CPSF7: variants seen among roughly 807,000 people sequenced by gnomAD.
CPSF7 encodes the protein cleavage and polyadenylation specific factor 7, also known as cleavage and polyadenylation specificity factor subunit 7.
A neutral mutation model predicts 44.3 loss-of-function variants in CPSF7; 1 was observed. That is an observed-to-expected ratio of 0.02 (90% CI 0.01 to 0.11). CPSF7 has a LOEUF of 0.11. Among genes scored for constraint, CPSF7 ranks in the 10% least tolerant of loss-of-function variants. The pLI, the probability that CPSF7 is intolerant of heterozygous loss-of-function variation, is 1.00. For synonymous variants in CPSF7, 202 were observed against 222.0 expected (o/e 0.91, Z 0.80); for missense variants, 443 against 607.2 (o/e 0.73, Z 2.84).
intron 3 of CPSF7, 55 bp from the exon 4 acceptor site, chr11:61,420,628 C>T (rs1860774395): frequency 1.5e-6 from 2 of 1,357,154 alleles, no homozygotes; most frequent in Non-Finnish European, 2.1e-6. Context: ...CCCCCGCCCG[C>T]CAATGTCCCA....
chr11:61,404,588 G>A lies in CPSF7; in HGVS notation c.*122C>T, dbSNP rs1859137280. 6.6e-6 allele frequency: 1 copy of A among 152,224 alleles called. No individual in the cohort carries two copies. Among genetic ancestry groups the A allele is most frequent in the Non-Finnish European group, 1.5e-5 (1 of 68,112 alleles). 9.4% of individuals were successfully genotyped at this position (152,224 alleles called of 1,614,324 possible). On this transcript the variant is annotated 3_prime_UTR_variant, in exon 10 of 10. Transcript: ENST00000439958. The stretch of plus-strand genomic sequence containing the variant: ...GCAGAGGGTATTCCCTGGGTGTCTG[G>A]AGGGAGTTAGGGGTTTGGAGGAAAG...
At chr11:61,414,086 G>A (rs1044006667) in intron 7 of CPSF7, among the ~76,000 whole-genome samples, 22 of 150,480 alleles carry the variant, frequency 1.5e-4, no homozygotes, top group African/African-American at 5.4e-4. Context: ...TCTTTATACT[G>A]TTCTGTGTAT....
chr11:61,426,677 G>T, intron 2 of CPSF7: 1 of 152,318 alleles, frequency 6.6e-6, no homozygotes, highest in Non-Finnish European at 1.5e-5. Context: ...AAAGTGAAAT[G>T]AATGGCACTA....
At chr11:61,425,301 C>A (rs1000040511) in intron 2 of CPSF7, among the ~76,000 whole-genome samples, 8 of 152,044 alleles carry the variant, frequency 5.3e-5, no homozygotes, top group African/African-American at 1.9e-4. Flanking sequence ...AGTTAAGGGC[C>A]GGAGATTTTT....
intron 9 of CPSF7, among the ~76,000 whole-genome samples, chr11:61,409,063 C>A (rs1859601007): frequency 2.0e-5 from 3 of 151,618 alleles, no homozygotes; most frequent in Non-Finnish European, 4.4e-5. Flanking sequence ...TCACCTGAGC[C>A]CAGGAGGTTG....
chr11:61,426,083 T>C (rs952590853), intron 2 of CPSF7, among the ~76,000 whole-genome samples: 4 of 152,142 alleles, frequency 2.6e-5, no homozygotes, highest in African/African-American at 4.8e-5. Flanking sequence ...AGGAATAAAG[T>C]AGCTCTGGCA....
chr11:61,413,573 G>A (rs147857933), intron 7 of CPSF7, among the ~76,000 whole-genome samples: 6 of 151,414 alleles, frequency 4.0e-5, no homozygotes, highest in African/African-American at 1.5e-4. Flanking sequence ...AGAGGTTGCA[G>A]TGAGTCGGGA....
rs753739115 is a variant in CPSF7, at chr11:61,403,486, A to G, written c.*1224T>C. The G allele has an allele frequency of 2.6e-4, 40 of 152,160 alleles. No homozygotes were observed. Among genetic ancestry groups the G allele is most frequent in the Admixed American group, 1.0e-3 (16 of 15,268 alleles). The allele number at this position is 152,160 out of a possible 1,614,324, so 9.4% of individuals were successfully genotyped here. On this transcript the variant is annotated 3_prime_UTR_variant, in exon 10 of 10. Coordinates refer to ENST00000439958, the MANE Select transcript of CPSF7 (RefSeq NM_001142565.3). ...CAGAATGCTGGTCCTTAGAACTCTGAGCTGAGTTCATTCAAGTCGGGCTCT... is the reference window on the plus strand; with the variant it reads ...CAGAATGCTGGTCCTTAGAACTCTGGGCTGAGTTCATTCAAGTCGGGCTCT...
Position 61,421,465 on chromosome 11 carries a change from CTTG to C in CPSF7, c.195_197del (p.Asn65del), listed in dbSNP as rs1485234803. ...TGTAGGTATACAGAATTGCAGGGGT[CTTG>C]TTGTTGGGCTTGGGAGATGGCTCCT... is the stretch of plus-strand genomic sequence containing the variant. On this transcript the variant is annotated inframe_deletion, in exon 3 of 10. Coordinates refer to ENST00000439958, the MANE Select transcript of CPSF7 (RefSeq NM_001142565.3). 3.1e-6 allele frequency: 5 copies of C among 1,613,994 alleles called. No individual in the cohort carries two copies. The African/African-American group carries it at 4.0e-5, about 13-fold the overall frequency.
At position 61,415,731 on chromosome 11, in the gene CPSF7, A is replaced by G; in HGVS notation, c.992T>C (p.Ile331Thr). 3 of 1,614,206 alleles carry G rather than the reference A, an allele frequency of 1.9e-6. No homozygotes were observed. Among genetic ancestry groups the G allele is most frequent in the African/African-American group, 1.3e-5 (1 of 75,048 alleles). ...STVSEAEFED[I>T]MKRNRAISSS... Reference sequence around the variant, plus strand: ...GGAAATTGCTCTGTTTCGCTTCATGATATCTTCAAATTCGGCTTCACTCAC... The same window carrying G: ...GGAAATTGCTCTGTTTCGCTTCATGGTATCTTCAAATTCGGCTTCACTCAC... Residue 331 changes from isoleucine (I) to threonine (T), a missense_variant, in exon 7 of 10, where the codon ATC becomes ACC. Ile to Thr is a moderately conservative substitution (Grantham distance 89). Transcript: ENST00000439958.
At chr11:61,423,835 T>C (rs1041607764) in intron 2 of CPSF7, among the ~76,000 whole-genome samples, 11 of 152,214 alleles carry the variant, frequency 7.2e-5, no homozygotes, top group Admixed American at 3.3e-4. Context: ...ATAAGAACCT[T>C]TGGAAACAAT....
rs1861751230 is a variant in CPSF7 at position 61,429,586 on chromosome 11, G to A, written c.-55-296C>T. 1.3e-5 allele frequency: 9 copies of A among 717,348 alleles called. No individual in the cohort carries two copies. In the Admixed American group the frequency reaches 2.4e-4, roughly 19 times the overall value. The allele number at this position is 717,348 out of a possible 1,614,324, so 44.4% of individuals were successfully genotyped here. ...GTCCTAGTGGCCCTAGGACGGCGTT[G>A]CGAAGAATGACCGCGGCGAAGCCCG... On this transcript the variant is annotated intron_variant, in intron 1 of 9. Transcript: ENST00000439958.
At chr11:61,429,665 C>A in intron 1 of CPSF7, 2 of 1,393,736 alleles carry the variant, frequency 1.4e-6, no homozygotes, top group South Asian at 2.5e-5. Context: ...GGCCAGAGCC[C>A]CCAGGTGTCA....
chr11:61,421,018 C>T (rs1471293412), intron 3 of CPSF7: 1 of 1,162,432 alleles, frequency 8.6e-7, no homozygotes. Flanking sequence ...CCCAAGTATA[C>T]TAGAGTTATC....
At chr11:61,429,522 G>A (rs1249177838) in intron 1 of CPSF7, 2 of 536,976 alleles carry the variant, frequency 3.7e-6, no homozygotes, top group East Asian at 7.0e-5. Flanking sequence ...CGTCTGCGCC[G>A]CAGCTGCCTA....
At chr11:61,405,335 G>A (rs1324357912) in intron 9 of CPSF7, among the ~76,000 whole-genome samples, 1 of 152,162 alleles carries the variant, frequency 6.6e-6, no homozygotes, top group Non-Finnish European at 1.5e-5. Context: ...AGCCCCAGAG[G>A]TTTTCCAAGT....
At chr11:61,426,093 A>T (rs990419681) in intron 2 of CPSF7, among the ~76,000 whole-genome samples, 1 of 152,224 alleles carries the variant, frequency 6.6e-6, no homozygotes, top group Non-Finnish European at 1.5e-5. Flanking sequence ...TAGCTCTGGC[A>T]AAAACAGGCT....
intron 6 of CPSF7, 105 bp from the exon 7 acceptor site, chr11:61,415,889 A>T: frequency 2.2e-6 from 2 of 926,874 alleles, no homozygotes; most frequent in Non-Finnish European, 3.4e-6. Context: ...AATGCTAGAC[A>T]TCTGTAGCAT....
At chr11:61,429,659 A>C in intron 1 of CPSF7, 1 of 1,345,500 alleles carries the variant, frequency 7.4e-7, no homozygotes, top group Non-Finnish European at 1.0e-6. Context: ...GGCTCCGGCC[A>C]GAGCCCCCAG....
Sources: gnomAD v4.1 joint callset for allele counts (sites outside exome capture counted in the v4.1 genomes callset) on GRCh38, gnomAD v4.1.1 for gene constraint, MANE v1.5 for transcripts, NCBI Gene and HGNC (gene_info 2026-07-23, HGNC 2026-07-21) for gene names.